Variants in PARG observed in about 807,000 individuals in gnomAD.
The protein encoded by PARG is mitochondrial poly(ADP-ribose) glycohydrolase.
Under a neutral mutation model 113.0 loss-of-function variants are expected in PARG, and 35 were observed. That is an observed-to-expected ratio of 0.31 (90% CI 0.24 to 0.41). The LOEUF is 0.41. PARG is among the 10% of genes least tolerant of loss of function. The pLI, the probability that PARG is intolerant of heterozygous loss-of-function variation, is 1.00. For synonymous variants in PARG, 330 were observed against 409.9 expected (o/e 0.81, Z 2.36); for missense variants, 797 against 1,169.4 (o/e 0.68, Z 4.64).
chr10:49,910,167 C>T (rs1286207391), intron 7 of PARG, among the ~76,000 whole-genome samples: 1 of 152,042 alleles, frequency 6.6e-6, no homozygotes, highest in African/African-American at 2.4e-5. Context: ...GAATTACACA[C>T]TCTTATTTAC....
chr10:49,906,837 GC>G (rs1333412686), intron 7 of PARG, among the ~76,000 whole-genome samples: 1 of 152,130 alleles, frequency 6.6e-6, no homozygotes, highest in Non-Finnish European at 1.5e-5. Context: ...GATGAGACAG[GC>G]CTATGCCTGC....
At chr10:49,916,404 T>C (rs1648863001) in intron 6 of PARG, among the ~76,000 whole-genome samples, 1 of 152,054 alleles carries the variant, frequency 6.6e-6, no homozygotes, top group Non-Finnish European at 1.5e-5. Flanking sequence ...ATTTCATGGG[T>C]CAGTTAATAG....
intron 7 of PARG, among the ~76,000 whole-genome samples, chr10:49,911,274 CTG>C (rs1445016687): frequency 1.4e-5 from 2 of 146,486 alleles, no homozygotes; most frequent in Non-Finnish European, 3.0e-5. Flanking sequence ...CAGAGAAAGA[CTG>C]TGTCTCAAAA....
chr10:49,828,369 G>C (rs578173901), intron 16 of PARG, among the ~76,000 whole-genome samples: 1 of 152,186 alleles, frequency 6.6e-6, no homozygotes, highest in Non-Finnish European at 1.5e-5. Context: ...GTATGAACTA[G>C]GGGGTCACTT....
intron 9 of PARG, among the ~76,000 whole-genome samples, chr10:49,876,551 GAGGTA>G (rs1289701142): frequency 6.6e-6 from 1 of 152,146 alleles, no homozygotes; most frequent in Non-Finnish European, 1.5e-5. Flanking sequence ...CACCTCTCCA[GAGGTA>G]CACACAGGCT....
chr10:49,928,324 T>C (rs1202196094), intron 4 of PARG, among the ~76,000 whole-genome samples: 2 of 152,140 alleles, frequency 1.3e-5, no homozygotes, highest in Non-Finnish European at 2.9e-5. Context: ...TGAAAGTATT[T>C]TCACCCTCAT....
intron 4 of PARG, 154 bp downstream of exon 4, chr10:49,931,946 C>A (rs1838507140): frequency 6.5e-6 from 4 of 619,354 alleles, no homozygotes; most frequent in Admixed American, 3.0e-5. Flanking sequence ...AGTAAGTTAT[C>A]ATTATATTGC....
chr10:49,844,643 TA>T (rs1845416849), intron 13 of PARG, among the ~76,000 whole-genome samples: 2 of 125,824 alleles, frequency 1.6e-5, no homozygotes, highest in Non-Finnish European at 3.4e-5. Context: ...AAAAAGACAC[TA>T]GAAAAAAAAA....
At chr10:49,891,623 ATTTTTTTTT>A (rs1160158066) in intron 7 of PARG, among the ~76,000 whole-genome samples, 6 of 47,418 alleles carry the variant, frequency 1.3e-4, no homozygotes, top group African/African-American at 3.1e-4. Flanking sequence ...ATATATATAT[ATTTTTTTTT>A]TTTTTTTTTT....
rs1837910763 is a variant in PARG at position 49,922,167 on chromosome 10, A to G, written c.1662+169T>C. On this transcript the variant is annotated intron_variant, in intron 6 of 17. Coordinates refer to ENST00000616448, the MANE Select transcript of PARG (RefSeq NM_003631.5). ...TCCAGGCAAGGCATTTGCAACTCTC[A>G]GTTCTTCTCATTTCCTAGTAGAATG... is the stretch of plus-strand genomic sequence containing the variant. Among the ~76,000 whole-genome samples, 4 of 152,294 alleles carry G rather than the reference A, an allele frequency of 2.6e-5. No homozygotes were observed. The South Asian group carries it at 8.3e-4, about 32-fold the overall frequency.
chr10:49,901,976 T>C (rs1848367311), intron 7 of PARG, among the ~76,000 whole-genome samples: 1 of 152,166 alleles, frequency 6.6e-6, no homozygotes, highest in African/African-American at 2.4e-5. Context: ...ACATGTGGCA[T>C]TTGAAATGTG....
chr10:49,934,966 A>G, intron 2 of PARG, 110 bp downstream of exon 2: 1 of 635,988 alleles, frequency 1.6e-6, no homozygotes, highest in Non-Finnish European at 2.8e-6. Flanking sequence ...TTGAATTAAC[A>G]TAGATAAAGG....
chr10:49,907,768 CA>C, intron 7 of PARG, among the ~76,000 whole-genome samples: 1 of 151,432 alleles, frequency 6.6e-6, no homozygotes, highest in African/African-American at 2.4e-5. Flanking sequence ...AAAATACAAA[CA>C]AAACAAAACA....
chr10:49,897,175 A>G (rs1338154563), intron 7 of PARG, among the ~76,000 whole-genome samples: 2 of 152,184 alleles, frequency 1.3e-5, no homozygotes, highest in African/African-American at 4.8e-5. Flanking sequence ...TGACTTCATT[A>G]AATACTATGA....
In PARG at chr10:49,925,877, T is replaced by G. The variant is rs574493482; in HGVS notation, c.1456-3208A>C. Reference sequence around the variant, plus strand: ...ATTCTTAGCAAAGCAATTTTACTTCTGCACAGAGGAGTGCCTCCTTGGCCA... The same window carrying G: ...ATTCTTAGCAAAGCAATTTTACTTCGGCACAGAGGAGTGCCTCCTTGGCCA... On this transcript the variant is annotated intron_variant, in intron 4 of 17. Coordinates refer to ENST00000616448, the MANE Select transcript of PARG (RefSeq NM_003631.5). 1.6e-3 allele frequency among the ~76,000 whole-genome samples: 239 copies of G among 152,378 alleles called. 3 individuals carry two copies. Among genetic ancestry groups the G allele is most frequent in the African/African-American group, 5.5e-3 (229 of 41,594 alleles).
At chr10:49,890,413 T>C (rs1445662217) in intron 7 of PARG, among the ~76,000 whole-genome samples, 1 of 152,348 alleles carries the variant, frequency 6.6e-6, no homozygotes, top group South Asian at 2.1e-4. Flanking sequence ...CCTTAGATTA[T>C]AGATCTGTTC....
At chr10:49,907,230 C>T (rs2132787550) in intron 7 of PARG, among the ~76,000 whole-genome samples, 1 of 152,310 alleles carries the variant, frequency 6.6e-6, no homozygotes, top group African/African-American at 2.4e-5. Flanking sequence ...CTATGTCACT[C>T]AGCTTACTAA....
intron 4 of PARG, among the ~76,000 whole-genome samples, chr10:49,924,811 G>A (rs2132917495): frequency 6.6e-6 from 1 of 152,216 alleles, no homozygotes; most frequent in African/African-American, 2.4e-5. Flanking sequence ...GTATTTATTT[G>A]AAATATTTTG....
intron 9 of PARG, among the ~76,000 whole-genome samples, chr10:49,876,921 C>A (rs1846967365): frequency 1.3e-5 from 2 of 150,908 alleles, no homozygotes. Context: ...ATTTATGTAA[C>A]CAAGGAGCAT....
Sources: allele counts gnomAD v4.1 joint callset (sites outside exome capture counted in the v4.1 genomes callset), GRCh38; gene constraint gnomAD v4.1.1; transcripts MANE v1.5; gene names NCBI Gene and HGNC (gene_info 2026-07-23, HGNC 2026-07-21).